The following PCDH15 variants were observed in gnomAD, a reference collection of about 807,000 sequenced individuals.
The protein encoded by PCDH15 is protocadherin-15.
In PCDH15, 129 loss-of-function variants were observed where a neutral mutation model predicts 178.5. The observed-to-expected ratio is 0.72, with a 90% confidence interval of 0.63 to 0.84. The LOEUF (loss-of-function observed/expected upper bound fraction) is 0.84, where lower values mean the gene tolerates loss of function less well. Ranked by LOEUF, PCDH15 falls within the 40% of genes least tolerant of loss-of-function variation. PCDH15 has a pLI of 0.00. For missense variants in PCDH15, 2,230 were observed against 2,099.9 expected, an observed-to-expected ratio of 1.06 and a Z score of -1.21; for synonymous variants, 800 against 732.0, an observed-to-expected ratio of 1.09 and a Z score of -1.50.
intron 1 of PCDH15, among the ~76,000 whole-genome samples, chr10:54,716,113 T>A (rs2095476911): frequency 6.6e-6 from 1 of 152,158 alleles, no homozygotes; most frequent in African/African-American, 2.4e-5. Flanking sequence ...TTTTCAAAGC[T>A]GATGCATGTG....
chr10:55,140,098 T>C (rs1441538784), intron 2 of PCDH15, among the ~76,000 whole-genome samples: 2 of 151,992 alleles, frequency 1.3e-5, no homozygotes, highest in Non-Finnish European at 2.9e-5. Flanking sequence ...GCAGTTGATT[T>C]TTTAAATGTT....
At chr10:54,080,512 A>G (rs1205883444) in intron 16 of PCDH15, among the ~76,000 whole-genome samples, 1 of 152,188 alleles carries the variant, frequency 6.6e-6, no homozygotes, top group Non-Finnish European at 1.5e-5. Context: ...AGTCCAAAAC[A>G]TAAATTGTTT....
chr10:54,578,013 G>C (rs2090678375), intron 2 of PCDH15, among the ~76,000 whole-genome samples: 1 of 152,048 alleles, frequency 6.6e-6, no homozygotes. Flanking sequence ...GTATAACATT[G>C]ATTCATACAT....
chr10:53,890,519 T>A (rs189141478), intron 26 of PCDH15, among the ~76,000 whole-genome samples: 2 of 152,228 alleles, frequency 1.3e-5, no homozygotes, highest in East Asian at 3.8e-4. Context: ...CAAATTACTA[T>A]GAGCCTCACT....
At chr10:54,975,365 T>G (rs1168162680) in intron 2 of PCDH15, among the ~76,000 whole-genome samples, 1 of 152,192 alleles carries the variant, frequency 6.6e-6, no homozygotes, top group Non-Finnish European at 1.5e-5. Flanking sequence ...GAAAAGAGTG[T>G]GTATGCATAG....
At chr10:55,604,712 A>G (rs1442636931) in intron 2 of PCDH15, among the ~76,000 whole-genome samples, 11 of 143,980 alleles carry the variant, frequency 7.6e-5, no homozygotes, top group Non-Finnish European at 1.5e-4. Context: ...ACAAAGACAC[A>G]ACATACCAGA....
chr10:53,986,443 C>A (rs962770479), intron 21 of PCDH15, among the ~76,000 whole-genome samples: 13 of 152,142 alleles, frequency 8.5e-5, no homozygotes, highest in Non-Finnish European at 4.4e-5. Flanking sequence ...AATGTAACTA[C>A]CATATGATCC....
intron 2 of PCDH15, among the ~76,000 whole-genome samples, chr10:55,099,737 G>A (rs1842532216): frequency 6.6e-6 from 1 of 151,904 alleles, no homozygotes; most frequent in Non-Finnish European, 1.5e-5. Context: ...AGCCAATAAA[G>A]TGAAGTAACA....
intron 3 of PCDH15, among the ~76,000 whole-genome samples, chr10:54,865,174 C>T (rs1269721916): frequency 6.6e-6 from 1 of 152,138 alleles, no homozygotes; most frequent in Non-Finnish European, 1.5e-5. Flanking sequence ...AGAGGAAGAC[C>T]TAGCCTCACT....
At chr10:54,386,125 T>C (rs1565145995) in intron 3 of PCDH15, among the ~76,000 whole-genome samples, 1 of 151,602 alleles carries the variant, frequency 6.6e-6, no homozygotes, top group Admixed American at 6.6e-5. Context: ...TGTGTGTGTG[T>C]GTGTGTGTGT....
At chr10:54,752,199 G>A (rs915967699) in intron 1 of PCDH15, among the ~76,000 whole-genome samples, 7 of 152,010 alleles carry the variant, frequency 4.6e-5, no homozygotes, top group African/African-American at 1.7e-4. Flanking sequence ...AAAACAGGCC[G>A]GGCGCGGTGG....
chr10:54,786,481 T>C (rs1010887613), intron 1 of PCDH15, among the ~76,000 whole-genome samples: 3 of 152,050 alleles, frequency 2.0e-5, no homozygotes, highest in African/African-American at 4.8e-5. Context: ...GTATCCATGA[T>C]AATGCTCTGT....
rs192409877 is a variant in PCDH15, at chr10:55,239,751, C to T, written c.-155-73100G>A. On this transcript the variant is annotated intron_variant, in intron 1 of 5. Transcript: ENST00000458638. ...AACAATCAGCAAAGTGAGGAGACAA[C>T]GCCTTAGAAAAGGAAAATGTTTGCA... Among the ~76,000 whole-genome samples, 50 of 152,150 alleles carry T rather than the reference C, an allele frequency of 3.3e-4. 1 individual carries two copies. In the East Asian group the frequency reaches 7.5e-3, roughly 23 times the overall value.
At chr10:55,361,346 C>A (rs1845224795) in intron 2 of PCDH15, among the ~76,000 whole-genome samples, 3 of 151,922 alleles carry the variant, frequency 2.0e-5, no homozygotes, top group Admixed American at 6.6e-5. Context: ...TAAAATTAAA[C>A]TAATTGTATA....
At chr10:54,504,804 G>A (rs1016460130) in intron 3 of PCDH15, among the ~76,000 whole-genome samples, 2 of 151,942 alleles carry the variant, frequency 1.3e-5, no homozygotes, top group African/African-American at 4.8e-5. Context: ...TGTTTGAAAA[G>A]GTAGAGTTGC....
intron 1 of PCDH15, among the ~76,000 whole-genome samples, chr10:54,695,313 C>T (rs1040371590): frequency 2.6e-5 from 4 of 152,098 alleles, no homozygotes; most frequent in Admixed American, 2.6e-4. Context: ...AAACCAAAGC[C>T]TAATCCAGAA....
intron 3 of PCDH15, among the ~76,000 whole-genome samples, chr10:54,436,365 A>G (rs1422098570): frequency 6.6e-6 from 1 of 152,136 alleles, no homozygotes; most frequent in Non-Finnish European, 1.5e-5. Context: ...AGTGACCTTA[A>G]TATGCAATGT....
chr10:54,080,534 A>G (rs2094421657), intron 16 of PCDH15, among the ~76,000 whole-genome samples: 1 of 152,154 alleles, frequency 6.6e-6, no homozygotes, highest in African/African-American at 2.4e-5. Flanking sequence ...TAATGGATAA[A>G]ATGCTTTCAT....
At chr10:53,994,447 A>AT (rs2091721536) in intron 21 of PCDH15, 1 of 152,122 alleles carries the variant, frequency 6.6e-6, no homozygotes, top group South Asian at 2.1e-4. Flanking sequence ...TGAGAGCAAA[A>AT]ACTGGTTGCC....
Sources: allele counts gnomAD v4.1 joint callset (sites outside exome capture counted in the v4.1 genomes callset), GRCh38; gene constraint gnomAD v4.1.1; transcripts MANE v1.5; gene names NCBI Gene and HGNC (gene_info 2026-07-23, HGNC 2026-07-21).